PAX3: variants seen among roughly 807,000 people sequenced by gnomAD.
PAX3 encodes the protein paired box protein Pax-3.
Under a neutral mutation model 51.6 loss-of-function variants are expected in PAX3, and 14 were observed. That is an observed-to-expected ratio of 0.27 (90% confidence interval 0.18 to 0.42). The LOEUF (loss-of-function observed/expected upper bound fraction) is 0.42. Among genes scored for constraint, PAX3 ranks in the 10% least tolerant of loss-of-function variants. The pLI, the probability that PAX3 is intolerant of heterozygous loss-of-function variation, is 1.00. For synonymous variants in PAX3, 280 were observed against 253.4 expected (o/e 1.11, Z -1.00); for missense variants, 540 against 642.8 (o/e 0.84, Z 1.73).
At chr2:222,265,750 T>C (rs940957245) in intron 4 of PAX3, among the ~76,000 whole-genome samples, 2 of 151,986 alleles carry the variant, frequency 1.3e-5, no homozygotes, top group Admixed American at 1.3e-4. Flanking sequence ...AGTTAGAATA[T>C]GTAGCAAGTC....
At chr2:222,237,083 G>C (rs1692824852) in intron 4 of PAX3, among the ~76,000 whole-genome samples, 1 of 152,020 alleles carries the variant, frequency 6.6e-6, no homozygotes. Flanking sequence ...AATGACCCTA[G>C]AGCAACGCTT....
intron 4 of PAX3, among the ~76,000 whole-genome samples, chr2:222,270,456 C>CATATAACTTAGCA (rs1694211196): frequency 6.6e-6 from 1 of 152,106 alleles, no homozygotes; most frequent in African/African-American, 2.4e-5. Flanking sequence ...ATTTTGCATT[C>CATATAACTTAGCA]GTGCAATAAA....
At chr2:222,243,897 C>G (rs1338005000) in intron 4 of PAX3, among the ~76,000 whole-genome samples, 1 of 152,176 alleles carries the variant, frequency 6.6e-6, no homozygotes, top group Non-Finnish European at 1.5e-5. Context: ...TTAATCCTTG[C>G]TGGCAAAGGA....
intron 7 of PAX3, among the ~76,000 whole-genome samples, chr2:222,218,096 G>T (rs1176034636): frequency 6.6e-6 from 1 of 152,068 alleles, no homozygotes; most frequent in African/African-American, 2.4e-5. Flanking sequence ...ATGTATGGCA[G>T]AAATGCAAAA....
chr2:222,278,949 T>C (rs1351644802), intron 4 of PAX3, among the ~76,000 whole-genome samples: 1 of 152,168 alleles, frequency 6.6e-6, no homozygotes, highest in Admixed American at 6.5e-5. Flanking sequence ...GTTGTTGTTG[T>C]TGCTTGTCTG....
chr2:222,295,357 C>T (rs549433057), intron 3 of PAX3, among the ~76,000 whole-genome samples, 171 bp downstream of exon 3: 1 of 152,202 alleles, frequency 6.6e-6, no homozygotes, highest in African/African-American at 2.4e-5. Flanking sequence ...CAGCTCACCC[C>T]TCCCTCCATA....
chr2:222,252,541 C>T (rs1039628540), intron 4 of PAX3, among the ~76,000 whole-genome samples: 7 of 152,148 alleles, frequency 4.6e-5, no homozygotes, highest in East Asian at 1.9e-4. Context: ...CCCCACATTC[C>T]GTTACCACCA....
chr2:222,251,449 G>A (rs1315870929), intron 4 of PAX3, among the ~76,000 whole-genome samples: 1 of 151,948 alleles, frequency 6.6e-6, no homozygotes, highest in African/African-American at 2.4e-5. Context: ...CTTTTTTATG[G>A]CTGCATTACT....
rs187357361 is a variant in PAX3, at chr2:222,298,718, C to T, written c.-103G>A. 4.6e-5 allele frequency: 54 copies of T among 1,175,224 alleles called. No homozygotes were observed. The highest frequency in any genetic ancestry group is 1.9e-4 in the Middle Eastern group (1 of 5,302). 72.8% of individuals were successfully genotyped at this position (1,175,224 alleles called of 1,614,324 possible). ...GGGAACTATCCGGAGCGTGGAGAGC[C>T]CCTCCCCAAAACGGCTGGAGAGAGA... On this transcript the variant is annotated 5_prime_UTR_variant, in exon 1 of 9. Transcript: ENST00000392070.
At chr2:222,221,130 T>C in intron 6 of PAX3, 92 bp downstream of exon 6, 1 of 1,164,972 alleles carries the variant, frequency 8.6e-7, no homozygotes, top group East Asian at 2.3e-5. Flanking sequence ...CAACATGGTG[T>C]CAGTACTGCA....
At chr2:222,205,473 C>T (rs1033461615) in intron 7 of PAX3, among the ~76,000 whole-genome samples, 1 of 152,108 alleles carries the variant, frequency 6.6e-6, no homozygotes, top group Non-Finnish European at 1.5e-5. Flanking sequence ...CCTCTGACTT[C>T]CCTGATAGAG....
At chr2:222,201,741 C>A in intron 8 of PAX3, 2 of 1,467,618 alleles carry the variant, frequency 1.4e-6, no homozygotes, top group Non-Finnish European at 8.9e-7. Context: ...CAATTAATAA[C>A]CGCAAGATGT....
chr2:222,297,154 T>C lies in PAX3; in HGVS notation c.145A>G (p.Arg49Gly), dbSNP rs1174935987. 6.2e-7 allele frequency: 1 copy of C among 1,606,528 alleles called. No individual in the cohort carries two copies. The highest frequency in any genetic ancestry group is 8.5e-7 in the Non-Finnish European group (1 of 1,176,972). Residue 49 changes from arginine (R) to glycine (G), a missense_variant, in exon 2 of 9, where the codon AGG becomes GGG. Arg to Gly is a moderately radical substitution (Grantham distance 125, BLOSUM62 -2). Transcript: ENST00000392070. Reference protein sequence around the residue: ...NQLGGVFINGRPLPNHIRHKI... With the variant: ...NQLGGVFINGGPLPNHIRHKI... Reference sequence around the variant, plus strand: ...TGGCGGATGTGGTTGGGCAGCGGCCTGCCGTTGATAAAAACACCGCCGAGC... The same window carrying C: ...TGGCGGATGTGGTTGGGCAGCGGCCCGCCGTTGATAAAAACACCGCCGAGC...
chr2:222,293,708 C>A, intron 4 of PAX3: 1 of 1,612,946 alleles, frequency 6.2e-7, no homozygotes, highest in Non-Finnish European at 8.5e-7. Context: ...AAAGAGTACT[C>A]TCTCTCTCTC....
intron 4 of PAX3, among the ~76,000 whole-genome samples, chr2:222,243,821 T>C (rs1175692880): frequency 6.6e-6 from 1 of 152,166 alleles, no homozygotes; most frequent in African/African-American, 2.4e-5. Context: ...TGTTGGAAGA[T>C]TGAAAGAGGT....
At chr2:222,287,247 C>A (rs958557215) in intron 4 of PAX3, 1 of 152,100 alleles carries the variant, frequency 6.6e-6, no homozygotes, top group South Asian at 2.1e-4. Flanking sequence ...TTTCAATAAC[C>A]TTTATTAGGA....
rs138246059 is a variant in PAX3, at chr2:222,243,451, A to G, written c.587-11168T>C. On this transcript the variant is annotated intron_variant, in intron 4 of 8. Transcript: ENST00000392070. The stretch of plus-strand genomic sequence containing the variant: ...CTAGGGATGCAAATATGAATAATAT[A>G]TGGAGCCTAAACTCAAAAAGTAAAA... Among the ~76,000 whole-genome samples, 17 of 152,350 alleles carry G rather than the reference A, an allele frequency of 1.1e-4. No individual in the cohort carries two copies. In the East Asian group the frequency reaches 3.3e-3, roughly 29 times the overall value.
chr2:222,270,996 A>G (rs1694232760), intron 4 of PAX3, among the ~76,000 whole-genome samples: 1 of 152,254 alleles, frequency 6.6e-6, no homozygotes, highest in African/African-American at 2.4e-5. Context: ...CCTTGTTTCA[A>G]TGAGTACAAA....
Position 222,254,793 on chromosome 2 carries a change from T to C in PAX3, c.587-22510A>G, listed in dbSNP as rs1402554029. On this transcript the variant is annotated intron_variant, in intron 4 of 8. Coordinates refer to ENST00000392070, the MANE Select transcript of PAX3 (RefSeq NM_181458.4). ...AAGCTTTACATTTTCTATTCTTTTCTTTTTTCTGAGACTTAGTCTTGCTCT... is the reference window on the plus strand; with the variant it reads ...AAGCTTTACATTTTCTATTCTTTTCCTTTTTCTGAGACTTAGTCTTGCTCT... Among the ~76,000 whole-genome samples, 7 of 152,326 alleles carry C rather than the reference T, an allele frequency of 4.6e-5. No individual in the cohort carries two copies. The South Asian group carries it at 1.5e-3, about 32-fold the overall frequency.
Sources: allele counts gnomAD v4.1 joint callset (sites outside exome capture counted in the v4.1 genomes callset), GRCh38; gene constraint gnomAD v4.1.1; transcripts MANE v1.5; gene names NCBI Gene and HGNC (gene_info 2026-07-23, HGNC 2026-07-21).